Variants in STAU2 observed in about 807,000 individuals in gnomAD.
STAU2 encodes double-stranded RNA-binding protein Staufen homolog 2.
A neutral mutation model predicts 65.9 loss-of-function variants in STAU2; 20 were observed. The observed-to-expected ratio is 0.30, with a 90% CI of 0.21 to 0.44. The LOEUF is 0.44. Ranked by LOEUF, STAU2 falls within the 20% of genes least tolerant of loss-of-function variation. STAU2 has a pLI of 1.00. For synonymous variants in STAU2, 232 were observed against 233.9 expected, an observed-to-expected ratio of 0.99 and a Z score of 0.07; for missense variants, 558 against 683.9, an observed-to-expected ratio of 0.82 and a Z score of 2.05.
intron 11 of STAU2, among the ~76,000 whole-genome samples, chr8:73,591,882 TAAAAAAAAAAAAAAAAAA>T (rs34533172): frequency 6.3e-4 from 18 of 28,462 alleles, no homozygotes; most frequent in East Asian, 2.7e-3. Context: ...ATCCCAGAGG[TAAAAAAAAAAAAAAAAAA>T]AAAAAAAAAA....
At chr8:73,550,696 C>T (rs1807271122) in intron 13 of STAU2, 2 of 986,836 alleles carry the variant, frequency 2.0e-6, no homozygotes, top group Admixed American at 1.2e-4. Context: ...ACAACAAAAA[C>T]AAATTCTAAA....
At chr8:73,442,824 A>G (rs1818260921) in intron 13 of STAU2, among the ~76,000 whole-genome samples, 1 of 152,252 alleles carries the variant, frequency 6.6e-6, no homozygotes, top group African/African-American at 2.4e-5. Context: ...ATTACGAGAC[A>G]GAGAATTTTT....
At chr8:73,506,530 T>A (rs148289355) in intron 13 of STAU2, among the ~76,000 whole-genome samples, 4 of 152,152 alleles carry the variant, frequency 2.6e-5, no homozygotes, top group African/African-American at 9.6e-5. Context: ...TTAAAAACAG[T>A]TTATTAGAAA....
intron 6 of STAU2, among the ~76,000 whole-genome samples, chr8:73,630,714 A>T (rs1236888619): frequency 6.6e-6 from 1 of 152,208 alleles, no homozygotes; most frequent in East Asian, 1.9e-4. Context: ...CTGGAGGGCC[A>T]GCTCAGCCCT....
intron 13 of STAU2, among the ~76,000 whole-genome samples, chr8:73,534,697 A>G (rs1251004072): frequency 6.6e-6 from 1 of 152,236 alleles, no homozygotes; most frequent in African/African-American, 2.4e-5. Context: ...TAAAGAGAAT[A>G]ATATCTGTTA....
rs566322018 is a variant in STAU2, at chr8:73,584,454, T to A, written c.1162-1624A>T. 1.8e-4 allele frequency among the ~76,000 whole-genome samples: 28 copies of A among 152,334 alleles called. No homozygotes were observed. The South Asian group carries it at 4.8e-3, about 26-fold the overall frequency. ...ATAAATATGGATTATCTCATTTTCA[T>A]CCTCACAAAAATTTGGTAAGATAAG... On this transcript the variant is annotated intron_variant, in intron 11 of 14. Transcript: ENST00000524300.
chr8:73,496,031 T>A (rs1430355719), intron 13 of STAU2, among the ~76,000 whole-genome samples: 1 of 151,618 alleles, frequency 6.6e-6, no homozygotes, highest in Non-Finnish European at 1.5e-5. Flanking sequence ...ATTATACAGA[T>A]GTCTGCCTCT....
chr8:73,579,204 C>T (rs1809809440), intron 12 of STAU2, among the ~76,000 whole-genome samples: 1 of 152,188 alleles, frequency 6.6e-6, no homozygotes, highest in South Asian at 2.1e-4. Flanking sequence ...AGAATGCTAT[C>T]TCATTCCACA....
intron 3 of STAU2, chr8:73,727,756 G>A (rs931239142): frequency 6.6e-6 from 1 of 152,212 alleles, no homozygotes; most frequent in African/African-American, 2.4e-5. Flanking sequence ...TGGGTCATAT[G>A]ACAAGTCTAT....
At position 73,705,716 on chromosome 8, in the gene STAU2, A is replaced by G. The variant is rs185745218; in HGVS notation, c.114+3316T>C. 3.2e-3 allele frequency among the ~76,000 whole-genome samples: 483 copies of G among 152,356 alleles called. 2 individuals are homozygous for G. Among genetic ancestry groups the G allele is most frequent in the African/African-American group, 0.011 (454 of 41,584 alleles). ...GCAGAAAAATAAAAGAAGACAAGGC[A>G]AAGACTAAAATAATTATTATTTTAA... On this transcript the variant is annotated intron_variant, in intron 4 of 14. Transcript: ENST00000524300.
chr8:73,425,723 A>G (rs1816764046), intron 13 of STAU2, among the ~76,000 whole-genome samples: 1 of 152,196 alleles, frequency 6.6e-6, no homozygotes, highest in South Asian at 2.1e-4. Context: ...AGCAAAAAGA[A>G]TGTAAAAAGT....
chr8:73,474,133 AAAAAC>A (rs1394096550), intron 13 of STAU2, among the ~76,000 whole-genome samples: 3 of 152,160 alleles, frequency 2.0e-5, no homozygotes, highest in Non-Finnish European at 4.4e-5. Flanking sequence ...TAAATGGTTA[AAAAAC>A]AAAACAAAAC....
At chr8:73,689,037 T>G (rs774014164) in intron 4 of STAU2, among the ~76,000 whole-genome samples, 114 of 152,180 alleles carry the variant, frequency 7.5e-4, no homozygotes, top group Admixed American at 5.9e-4. Flanking sequence ...CAGATCTAGG[T>G]GTACATTCTG....
intron 5 of STAU2, among the ~76,000 whole-genome samples, chr8:73,686,037 A>C (rs1432449171): frequency 2.0e-5 from 3 of 152,234 alleles, no homozygotes; most frequent in African/African-American, 7.2e-5. Context: ...CATTATTCTA[A>C]GTAAAGTCAC....
At chr8:73,703,675 A>AT (rs771401146) in intron 4 of STAU2, among the ~76,000 whole-genome samples, 17 of 152,234 alleles carry the variant, frequency 1.1e-4, no homozygotes, top group Non-Finnish European at 2.4e-4. Flanking sequence ...CAAACTCAAA[A>AT]TAACTATGCT....
At chr8:73,478,251 G>A (rs1226352505) in intron 13 of STAU2, among the ~76,000 whole-genome samples, 1 of 112,818 alleles carries the variant, frequency 8.9e-6, no homozygotes, top group African/African-American at 3.5e-5. Context: ...GAAGAATTAA[G>A]AATTATCTTG....
rs1207636200 is a variant in STAU2 at position 73,591,329 on chromosome 8, G to GA, written c.1161+3836dup. On this transcript the variant is annotated intron_variant, in intron 11 of 14. Coordinates refer to ENST00000524300, the MANE Select transcript of STAU2 (RefSeq NM_001164380.2). ...AAAAAGTAAACAGAGTAAGTGCGGG[G>GA]AAAAAAAAAGGCAACTAATAAAATG... Among the ~76,000 whole-genome samples, 1,215 of 150,154 alleles carry GA rather than the reference G, an allele frequency of 8.1e-3. 24 individuals are homozygous for GA. Among genetic ancestry groups the GA allele is most frequent in the African/African-American group, 0.028 (1,130 of 40,980 alleles).
At chr8:73,561,774 A>T (rs1464229459) in intron 12 of STAU2, among the ~76,000 whole-genome samples, 1 of 152,218 alleles carries the variant, frequency 6.6e-6, no homozygotes, top group Admixed American at 6.5e-5. Flanking sequence ...GCTAAAACTC[A>T]TAGAGTCCTT....
chr8:73,472,644 T>C (rs57327304), intron 13 of STAU2, among the ~76,000 whole-genome samples: 3,142 of 152,110 alleles, frequency 0.021, 103 homozygotes, highest in African/African-American at 0.073. Flanking sequence ...TTTTTGCATA[T>C]AGTACAAACT....
Sources: allele counts gnomAD v4.1 joint callset (sites outside exome capture counted in the v4.1 genomes callset), GRCh38; gene constraint gnomAD v4.1.1; transcripts MANE v1.5; gene names NCBI Gene and HGNC (gene_info 2026-07-23, HGNC 2026-07-21).